Variants in TNFRSF13C observed in about 807,000 individuals in gnomAD.
TNFRSF13C encodes the protein TNF receptor superfamily member 13C, also known as tumor necrosis factor receptor superfamily member 13C.
TNFRSF13C carries 7 observed loss-of-function variants against 12.1 expected under a neutral mutation model. The ratio of observed to expected loss-of-function variants is 0.58; its 90% CI spans 0.33 to 1.08. TNFRSF13C has a LOEUF of 1.08. Ranked by LOEUF, TNFRSF13C falls within the 50% of genes least tolerant of loss-of-function variation. TNFRSF13C has a pLI of 0.04. For missense variants in TNFRSF13C, 260 were observed against 265.9 expected (o/e 0.98, Z 0.15); for synonymous variants, 157 against 130.8 (o/e 1.20, Z -1.37).
Position 41,922,331 on chromosome 22 carries a change from A to C in TNFRSF13C, c.*3036T>G, listed in dbSNP as rs2077610261. 6.6e-6 allele frequency: 1 copy of C among 152,172 alleles called. No homozygotes were observed. The highest frequency in any genetic ancestry group is 2.4e-5 in the African/African-American group (1 of 41,430). The allele number at this position is 152,172 out of a possible 1,614,324, so 9.4% of individuals were successfully genotyped here. ...CCCTCCTCCAGGTGCTCTTATGAAG[A>C]TCAAATGAGGTATTGATGTGACGGC... On this transcript the variant is annotated 3_prime_UTR_variant, in exon 3 of 3. Transcript: ENST00000291232.
chr22:41,925,640 C>G, intron 2 of TNFRSF13C, 86 bp from the exon 3 acceptor site: 5 of 1,534,102 alleles, frequency 3.3e-6, no homozygotes, highest in East Asian at 2.3e-5. Flanking sequence ...GGCAGTCCTC[C>G]GTCAAATGAA....
rs2077622841 is a variant in TNFRSF13C at position 41,925,169 on chromosome 22, A to ACAC, written c.*197_*198insGTG. 1 of 593,552 alleles carries ACAC rather than the reference A, an allele frequency of 1.7e-6. No individual in the cohort carries two copies. Among genetic ancestry groups the ACAC allele is most frequent in the South Asian group, 2.2e-5 (1 of 44,820 alleles). The allele number at this position is 593,552 out of a possible 1,614,324, so 36.8% of individuals were successfully genotyped here. On this transcript the variant is annotated 3_prime_UTR_variant, in exon 3 of 3. Coordinates refer to ENST00000291232, the MANE Select transcript of TNFRSF13C (RefSeq NM_052945.4). ...CCTTCAAGGGCTGTCAAAGATGGTG[A>ACAC]GGTCTGAAGCCAAAGGCAAGCACAC...
At position 41,922,074 on chromosome 22, in the gene TNFRSF13C, G is replaced by T. The variant is rs1225810417; in HGVS notation, c.*3293C>A. 6.6e-6 allele frequency: 1 copy of T among 152,184 alleles called. No homozygotes were observed. Among genetic ancestry groups the T allele is most frequent in the East Asian group, 1.9e-4 (1 of 5,190 alleles). 9.4% of individuals were successfully genotyped at this position (152,184 alleles called of 1,614,324 possible). A position where few individuals can be genotyped will look rare whatever the true frequency, so the allele number is the denominator to read the frequency against. On this transcript the variant is annotated 3_prime_UTR_variant, in exon 3 of 3. Transcript: ENST00000291232. ...TTATTGTGGAGTCTCTAAAGAGAGA[G>T]AAACTTACCAAATATTAATATGATG...
rs1428592287 is a variant in TNFRSF13C, at chr22:41,922,799, C to T, written c.*2568G>A. On this transcript the variant is annotated 3_prime_UTR_variant, in exon 3 of 3. Transcript: ENST00000291232. The stretch of plus-strand genomic sequence containing the variant: ...AAGATGGGGTGGGAGATGGGGTGGC[C>T]AGGAGAAGATGGGGTGGGAGCTGGG... The T allele has an allele frequency of 6.4e-4, 49 of 76,794 alleles. No homozygotes were observed. The East Asian group carries it at 0.015, about 23-fold the overall frequency. 4.8% of individuals were successfully genotyped at this position (76,794 alleles called of 1,614,324 possible).
rs1440350712 is a variant in TNFRSF13C at position 41,925,432 on chromosome 22, G to T, written c.490C>A (p.Pro164Thr). The T allele has an allele frequency of 6.2e-7, 1 of 1,611,726 alleles. No individual in the cohort carries two copies. The highest frequency in any genetic ancestry group is 8.5e-7 in the Non-Finnish European group (1 of 1,180,010). ...TCAGTGGAGCCCAGCTCTGTGGCTG[G>T]CACAGGGACACTGTGGCCAGGTGGG... ...TTPPGHSVPV[P>T]ATELGSTELV... The change falls in exon 3 of 3, where the codon CCA (proline) becomes ACA (threonine). Residue 164 changes from proline (P) to threonine (T), a missense_variant. Coordinates refer to ENST00000291232, the MANE Select transcript of TNFRSF13C (RefSeq NM_052945.4).
In TNFRSF13C at chr22:41,926,046, G is replaced by T; in HGVS notation, c.367+55C>A. 3 of 1,605,272 alleles carry T rather than the reference G, an allele frequency of 1.9e-6. No homozygotes were observed. Among genetic ancestry groups the T allele is most frequent in the South Asian group, 1.1e-5 (1 of 90,340 alleles). ...CATGCATCTCCCCCTAGACCGTCCC[G>T]ACACCCCAGCCCCTGCGCCCCGCTC... On this transcript the variant is annotated intron_variant, in intron 2 of 2. Coordinates refer to ENST00000291232, the MANE Select transcript of TNFRSF13C (RefSeq NM_052945.4). The surrounding 1 kb of genome is among the most constrained non-coding windows in gnomAD (Gnocchi z 4.9).
At position 41,925,323 on chromosome 22, in the gene TNFRSF13C, G is replaced by C. The variant is rs781250597; in HGVS notation, c.*44C>G. 6.4e-7 allele frequency: 1 copy of C among 1,560,544 alleles called. No individual in the cohort carries two copies. The highest frequency in any genetic ancestry group is 1.4e-5 in the African/African-American group (1 of 73,318). Reference sequence around the variant, plus strand: ...AATTTGATTTCCAAGCCCCTGGCTGGGGGTCCAGAGGGAGGGCAGGGGCCA... The same window carrying C: ...AATTTGATTTCCAAGCCCCTGGCTGCGGGTCCAGAGGGAGGGCAGGGGCCA... On this transcript the variant is annotated 3_prime_UTR_variant, in exon 3 of 3. Coordinates refer to ENST00000291232, the MANE Select transcript of TNFRSF13C (RefSeq NM_052945.4).
At chr22:41,925,847 C>G (rs1029681671) in intron 2 of TNFRSF13C, among the ~76,000 whole-genome samples, 1 of 152,178 alleles carries the variant, frequency 6.6e-6, no homozygotes, top group African/African-American at 2.4e-5. Context: ...GGCCCCCTTC[C>G]TGCAACCTGT....
At chr22:41,925,595 C>T (rs1220733581) in intron 2 of TNFRSF13C, 41 bp from the exon 3 acceptor site, 1 of 1,604,920 alleles carries the variant, frequency 6.2e-7, no homozygotes. Context: ...TCAGTCACAG[C>T]CTTCCCTCCC....
At chr22:41,925,654 C>A in intron 2 of TNFRSF13C, 100 bp from the exon 3 acceptor site, 1 of 1,460,576 alleles carries the variant, frequency 6.8e-7, no homozygotes, top group African/African-American at 1.4e-5. Context: ...AAATGAAGCC[C>A]AATGCAGGGT....
rs1164378160 is a variant in TNFRSF13C, at chr22:41,922,151, A to G, written c.*3216T>C. ...AATGATTACAATTATGTAGAAAAATACACCACACACTCGAGGCCTGGGGTT... is the reference window on the plus strand; with the variant it reads ...AATGATTACAATTATGTAGAAAAATGCACCACACACTCGAGGCCTGGGGTT... On this transcript the variant is annotated 3_prime_UTR_variant, in exon 3 of 3. Coordinates refer to ENST00000291232, the MANE Select transcript of TNFRSF13C (RefSeq NM_052945.4). 3 of 152,250 alleles carry G rather than the reference A, an allele frequency of 2.0e-5. No individual in the cohort carries two copies. Among genetic ancestry groups the G allele is most frequent in the Non-Finnish European group, 4.4e-5 (3 of 68,042 alleles). 9.4% of individuals were successfully genotyped at this position (152,250 alleles called of 1,614,324 possible). A position where few individuals can be genotyped will look rare whatever the true frequency, so the allele number is the denominator to read the frequency against.
chr22:41,926,136 G>GCGC lies in TNFRSF13C; in HGVS notation c.329_331dup (p.Gly110dup), dbSNP rs746833484. ...TCCGTCGGGGGCCTCTGCGGAGGAC[G>GCGC]CGCCGCGAAGCCGCCGCTGTCGCCG... On this transcript the variant is annotated inframe_insertion, in exon 2 of 3. Coordinates refer to ENST00000291232, the MANE Select transcript of TNFRSF13C (RefSeq NM_052945.4). This position sits in a 1 kb window ranked among gnomAD's most constrained non-coding sequence, Gnocchi z 4.9. 4.7e-5 allele frequency: 75 copies of GCGC among 1,611,710 alleles called. No individual in the cohort carries two copies. Among genetic ancestry groups the GCGC allele is most frequent in the Non-Finnish European group, 5.7e-5 (67 of 1,179,694 alleles).
rs750334567 is a variant in TNFRSF13C, at chr22:41,924,949, C to CAAAAAAAAAAAA, written c.*406_*417dup. 15 of 45,314 alleles carry CAAAAAAAAAAAA rather than the reference C, an allele frequency of 3.3e-4. No homozygotes were observed. Among genetic ancestry groups the CAAAAAAAAAAAA allele is most frequent in the African/African-American group, 1.3e-3 (13 of 9,734 alleles). The allele number at this position is 45,314 out of a possible 1,614,324, so 2.8% of individuals were successfully genotyped here. A position where few individuals can be genotyped will look rare whatever the true frequency, so the allele number is the denominator to read the frequency against. On this transcript the variant is annotated 3_prime_UTR_variant, in exon 3 of 3. Transcript: ENST00000291232. ...CCTGGCGACAGAGCAAGACTCGTCTCAAAAAAAAAAAAAAAAAAAAAAAAA... is the reference window on the plus strand; with the variant it reads ...CCTGGCGACAGAGCAAGACTCGTCTCAAAAAAAAAAAAAAAAAAAAAAAAAAAAAAAAAAAAA...
At position 41,922,427 on chromosome 22, in the gene TNFRSF13C, G is replaced by A. The variant is rs1055441907; in HGVS notation, c.*2940C>T. ...CTAAGGTTCCTTCCTGCCCTTCTCT[G>A]GGGACCACAGGCCAGGAGGAGAACC... On this transcript the variant is annotated 3_prime_UTR_variant, in exon 3 of 3. Coordinates refer to ENST00000291232, the MANE Select transcript of TNFRSF13C (RefSeq NM_052945.4). The A allele has an allele frequency of 2.0e-5, 3 of 152,112 alleles. No homozygotes were observed. Among genetic ancestry groups the A allele is most frequent in the African/African-American group, 7.2e-5 (3 of 41,392 alleles). The allele number at this position is 152,112 out of a possible 1,614,324, so 9.4% of individuals were successfully genotyped here.
rs1428505954 is a variant in TNFRSF13C, at chr22:41,923,787, G to T, written c.*1580C>A. On this transcript the variant is annotated 3_prime_UTR_variant, in exon 3 of 3. Coordinates refer to ENST00000291232, the MANE Select transcript of TNFRSF13C (RefSeq NM_052945.4). ...CATGTTCCTTCAGCTCGAGTTTGGA[G>T]TCCAGCCCTGGAGGCTGCGCACCTC... The T allele has an allele frequency of 6.6e-6, 1 of 152,220 alleles. No individual in the cohort carries two copies. The highest frequency in any genetic ancestry group is 2.4e-5 in the African/African-American group (1 of 41,444). The allele number at this position is 152,220 out of a possible 1,614,324, so 9.4% of individuals were successfully genotyped here.
In TNFRSF13C at chr22:41,923,850, T is replaced by G. The variant is rs2077616419; in HGVS notation, c.*1517A>C. 1 of 152,154 alleles carries G rather than the reference T, an allele frequency of 6.6e-6. No homozygotes were observed. The highest frequency in any genetic ancestry group is 1.5e-5 in the Non-Finnish European group (1 of 68,018). The allele number at this position is 152,154 out of a possible 1,614,324, so 9.4% of individuals were successfully genotyped here. A position where few individuals can be genotyped will look rare whatever the true frequency, so the allele number is the denominator to read the frequency against. Reference sequence around the variant, plus strand: ...GGCTTGTGGCTCTGGAAGCTGCCACTGGGGTCAAAATGGCATCTTAGGTTC... The same window carrying G: ...GGCTTGTGGCTCTGGAAGCTGCCACGGGGGTCAAAATGGCATCTTAGGTTC... On this transcript the variant is annotated 3_prime_UTR_variant, in exon 3 of 3. Coordinates refer to ENST00000291232, the MANE Select transcript of TNFRSF13C (RefSeq NM_052945.4).
chr22:41,925,255 TG>T lies in TNFRSF13C; in HGVS notation c.*111del. On this transcript the variant is annotated 3_prime_UTR_variant, in exon 3 of 3. Transcript: ENST00000291232. ...TGTCTGTGCTTCTGCAGAGTTAGCC[TG>T]GTCCCAGAAAGAGGGCATGTGCATG... 1 of 1,175,504 alleles carries T rather than the reference TG, an allele frequency of 8.5e-7. No homozygotes were observed. Among genetic ancestry groups the T allele is most frequent in the Non-Finnish European group, 1.2e-6 (1 of 851,600 alleles). The allele number at this position is 1,175,504 out of a possible 1,614,324, so 72.8% of individuals were successfully genotyped here.
Position 41,925,220 on chromosome 22 carries a change from TG to T in TNFRSF13C, c.*146del. 1.2e-6 allele frequency: 1 copy of T among 856,320 alleles called. No individual in the cohort carries two copies. The highest frequency in any genetic ancestry group is 2.9e-5 in the Admixed American group (1 of 34,540). The allele number at this position is 856,320 out of a possible 1,614,324, so 53.0% of individuals were successfully genotyped here. On this transcript the variant is annotated 3_prime_UTR_variant, in exon 3 of 3. Transcript: ENST00000291232. ...CAAACTCCATGGGGGCTGAATGCTGTGGTCTGTAGTGTCTGTGCTTCTGCAG... is the reference window on the plus strand; with the variant it reads ...CAAACTCCATGGGGGCTGAATGCTGTGTCTGTAGTGTCTGTGCTTCTGCAG...
chr22:41,922,845 T>C lies in TNFRSF13C; in HGVS notation c.*2522A>G, dbSNP rs994558315. The C allele has an allele frequency of 1.1e-4, 11 of 100,090 alleles. No homozygotes were observed. Among genetic ancestry groups the C allele is most frequent in the African/African-American group, 4.4e-4 (11 of 24,958 alleles). 6.2% of individuals were successfully genotyped at this position (100,090 alleles called of 1,614,324 possible). On this transcript the variant is annotated 3_prime_UTR_variant, in exon 3 of 3. Coordinates refer to ENST00000291232, the MANE Select transcript of TNFRSF13C (RefSeq NM_052945.4). ...CTGGGGTGGCCAGGAAAAGATGGGG[T>C]GGGGCAGATGGGGTGGCCAGGAGCA...
Sources: allele counts gnomAD v4.1 joint callset (sites outside exome capture counted in the v4.1 genomes callset), GRCh38; gene constraint gnomAD v4.1.1; non-coding constraint Gnocchi (gnomAD v3.1); transcripts MANE v1.5; gene names NCBI Gene and HGNC (gene_info 2026-07-23, HGNC 2026-07-21).